Variants in CCDC85A observed in about 807,000 individuals in gnomAD.
The protein encoded by CCDC85A is coiled-coil domain-containing protein 85A.
Under a neutral mutation model 50.2 loss-of-function variants are expected in CCDC85A, and 38 were observed. The ratio of observed to expected loss-of-function variants is 0.76; its 90% confidence interval spans 0.58 to 0.99. The LOEUF (loss-of-function observed/expected upper bound fraction) is 0.99, where lower values mean the gene tolerates loss of function less well. Among genes scored for constraint, CCDC85A ranks in the 50% least tolerant of loss-of-function variants. CCDC85A has a pLI of 0.00. For synonymous variants in CCDC85A, 366 were observed against 301.4 expected (o/e 1.21, Z -2.22); for missense variants, 820 against 742.0 (o/e 1.11, Z -1.22).
intron 2 of CCDC85A, among the ~76,000 whole-genome samples, chr2:56,302,954 TG>T (rs1218958737): frequency 1.3e-5 from 2 of 151,994 alleles, no homozygotes; most frequent in Admixed American, 1.3e-4. Flanking sequence ...GAAAACCAAG[TG>T]GGGGGAAGTT....
chr2:56,276,898 G>A (rs1254468136), intron 2 of CCDC85A, among the ~76,000 whole-genome samples: 1 of 152,162 alleles, frequency 6.6e-6, no homozygotes, highest in Non-Finnish European at 1.5e-5. Flanking sequence ...GGCATCGTCT[G>A]TTCCAGCAGT....
intron 2 of CCDC85A, among the ~76,000 whole-genome samples, chr2:56,277,510 A>C (rs1295611990): frequency 2.0e-5 from 3 of 152,220 alleles, no homozygotes; most frequent in African/African-American, 2.4e-5. Context: ...ACATGGAAGC[A>C]TTAAAAAACC....
chr2:56,238,341 C>A lies in CCDC85A; in HGVS notation c.1240+44901C>A, dbSNP rs11685046. Among the ~76,000 whole-genome samples the A allele has an allele frequency of 1.5e-3, 228 of 151,508 alleles. 1 individual carries two copies. Among genetic ancestry groups the A allele is most frequent in the African/African-American group, 5.1e-3 (212 of 41,256 alleles). On this transcript the variant is annotated intron_variant, in intron 2 of 5. Coordinates refer to ENST00000407595, the MANE Select transcript of CCDC85A (RefSeq NM_001080433.2). ...CTGAGGCAGGAGAATCACTTGAACCCGGCAGGCAGAGGTTGCAGTGATCCA... is the reference window on the plus strand; with the variant it reads ...CTGAGGCAGGAGAATCACTTGAACCAGGCAGGCAGAGGTTGCAGTGATCCA...
intron 5 of CCDC85A, among the ~76,000 whole-genome samples, chr2:56,377,229 AG>A (rs902460979): frequency 1.3e-4 from 20 of 152,216 alleles, no homozygotes; most frequent in African/African-American, 3.9e-4. Flanking sequence ...AGCCAGTGTG[AG>A]GGGGCACTGC....
intron 3 of CCDC85A, among the ~76,000 whole-genome samples, chr2:56,361,554 G>T (rs973887633): frequency 6.6e-6 from 1 of 152,146 alleles, no homozygotes; most frequent in Admixed American, 6.5e-5. Context: ...ACTAGAGTAC[G>T]ATAATATTTA....
At chr2:56,328,817 G>C (rs1245995154) in intron 2 of CCDC85A, among the ~76,000 whole-genome samples, 1 of 152,010 alleles carries the variant, frequency 6.6e-6, no homozygotes, top group Admixed American at 6.6e-5. Flanking sequence ...CACTGCCCTG[G>C]CTCATGCACA....
At chr2:56,258,728 A>G (rs1670092165) in intron 2 of CCDC85A, among the ~76,000 whole-genome samples, 1 of 152,222 alleles carries the variant, frequency 6.6e-6, no homozygotes, top group Non-Finnish European at 1.5e-5. Flanking sequence ...TTGCAAAGGC[A>G]AGAGGGAAAG....
chr2:56,200,197 C>T (rs750293315), intron 2 of CCDC85A, among the ~76,000 whole-genome samples: 5 of 152,300 alleles, frequency 3.3e-5, no homozygotes, highest in Admixed American at 6.5e-5. Context: ...GTCTTGACTA[C>T]AGATAAGTGA....
intron 2 of CCDC85A, among the ~76,000 whole-genome samples, chr2:56,273,321 AAAG>A (rs1670779044): frequency 6.6e-6 from 1 of 152,118 alleles, no homozygotes. Flanking sequence ...ACGTGTTTCT[AAAG>A]GGTGCAGTGA....
chr2:56,344,950 C>G (rs551063065), intron 3 of CCDC85A, among the ~76,000 whole-genome samples: 5 of 151,010 alleles, frequency 3.3e-5, no homozygotes, highest in African/African-American at 1.2e-4. Context: ...AGAGGCACAA[C>G]AAATGTGAAA....
chr2:56,200,277 C>A (rs1157719284), intron 2 of CCDC85A, among the ~76,000 whole-genome samples: 1 of 152,124 alleles, frequency 6.6e-6, no homozygotes, highest in African/African-American at 2.4e-5. Flanking sequence ...AACCAAGTTG[C>A]CCTTGATAGT....
intron 3 of CCDC85A, among the ~76,000 whole-genome samples, chr2:56,365,661 C>A (rs1447698181): frequency 6.6e-6 from 1 of 152,148 alleles, no homozygotes; most frequent in Non-Finnish European, 1.5e-5. Context: ...AAAATTACAT[C>A]TTTACTGTGT....
chr2:56,276,114 G>A (rs754998983), intron 2 of CCDC85A, among the ~76,000 whole-genome samples: 17 of 152,030 alleles, frequency 1.1e-4, no homozygotes, highest in Non-Finnish European at 1.6e-4. Context: ...GATTTGGGGC[G>A]TCTCCCCTCC....
chr2:56,236,368 G>A (rs1669016969), intron 2 of CCDC85A, among the ~76,000 whole-genome samples: 1 of 152,158 alleles, frequency 6.6e-6, no homozygotes, highest in Non-Finnish European at 1.5e-5. Context: ...AGAGAGTTGA[G>A]GCAGCCGGGA....
intron 2 of CCDC85A, among the ~76,000 whole-genome samples, chr2:56,329,697 A>G (rs1472625746): frequency 6.6e-6 from 1 of 152,164 alleles, no homozygotes; most frequent in African/African-American, 2.4e-5. Flanking sequence ...AGTACAGAGT[A>G]TATGCTGGCT....
chr2:56,244,864 G>A (rs557541624), intron 2 of CCDC85A, among the ~76,000 whole-genome samples: 1 of 152,080 alleles, frequency 6.6e-6, no homozygotes, highest in Non-Finnish European at 1.5e-5. Flanking sequence ...AATGTTATCT[G>A]AAAGCTAGGG....
intron 4 of CCDC85A, 44 bp downstream of exon 4, chr2:56,372,522 C>T (rs994782778): frequency 6.7e-7 from 1 of 1,501,446 alleles, no homozygotes; most frequent in African/African-American, 1.4e-5. Context: ...TTGTGCATAA[C>T]CAGATGACTT....
chr2:56,184,150 A>G lies in CCDC85A; in HGVS notation c.-475A>G, dbSNP rs1406103964. On this transcript the variant is annotated 5_prime_UTR_variant, in exon 1 of 6. Coordinates refer to ENST00000407595, the MANE Select transcript of CCDC85A (RefSeq NM_001080433.2). ...GCCGCGGTGCCCGGCGCGCCCTCCA[A>G]GCTAGGAGAGGGGAGAAGCCGGGGG... 4 of 985,772 alleles carry G rather than the reference A, an allele frequency of 4.1e-6. No individual in the cohort carries two copies. The Admixed American group carries it at 2.5e-4, about 61-fold the overall frequency. 61.1% of individuals were successfully genotyped at this position (985,772 alleles called of 1,614,324 possible). A position where few individuals can be genotyped will look rare whatever the true frequency, so the allele number is the denominator to read the frequency against.
chr2:56,337,480 T>A (rs1211162391), intron 2 of CCDC85A, among the ~76,000 whole-genome samples: 2 of 152,162 alleles, frequency 1.3e-5, no homozygotes, highest in African/African-American at 4.8e-5. Flanking sequence ...TGGCCTCTCC[T>A]CCTGTACCTG....
Sources: allele counts gnomAD v4.1 joint callset (sites outside exome capture counted in the v4.1 genomes callset), GRCh38; gene constraint gnomAD v4.1.1; transcripts MANE v1.5; gene names NCBI Gene and HGNC (gene_info 2026-07-23, HGNC 2026-07-21).